Variants in CSMD1 observed in about 807,000 individuals in gnomAD.
The protein encoded by CSMD1 is CUB and sushi domain-containing protein 1.
In CSMD1, 213 loss-of-function variants were observed where a neutral mutation model predicts 417.5. The ratio of observed to expected loss-of-function variants is 0.51; its 90% CI spans 0.46 to 0.57. The LOEUF is 0.57. CSMD1 is among the 20% of genes least tolerant of loss of function. The pLI is 0.00. For synonymous variants in CSMD1, 2,862 were observed against 1,736.8 expected, an observed-to-expected ratio of 1.65 and a Z score of -16.11; for missense variants, 6,923 against 4,529.7, an observed-to-expected ratio of 1.53 and a Z score of -15.17.
At chr8:4,826,961 C>T (rs78760671) in intron 1 of CSMD1, among the ~76,000 whole-genome samples, 1,109 of 152,186 alleles carry the variant, frequency 7.3e-3, no homozygotes, top group Non-Finnish European at 0.012. Flanking sequence ...AGTTTGTGCT[C>T]ACTACACGTT....
At chr8:3,246,556 C>A (rs973365554) in intron 26 of CSMD1, among the ~76,000 whole-genome samples, 2 of 152,162 alleles carry the variant, frequency 1.3e-5, no homozygotes, top group Non-Finnish European at 2.9e-5. Flanking sequence ...ACTGCAACCG[C>A]CACCTCCCGT....
intron 12 of CSMD1, among the ~76,000 whole-genome samples, chr8:3,459,215 G>C (rs957245177): frequency 1.5e-4 from 23 of 152,208 alleles, no homozygotes; most frequent in Non-Finnish European, 2.6e-4. Flanking sequence ...CTGCACCGTG[G>C]TGGGGCACAC....
At chr8:3,070,990 G>C (rs796281835) in intron 49 of CSMD1, among the ~76,000 whole-genome samples, 3 of 152,204 alleles carry the variant, frequency 2.0e-5, no homozygotes, top group Non-Finnish European at 2.9e-5. Flanking sequence ...GGAGACCTGA[G>C]GGAGATTTTA....
chr8:4,422,875 T>C (rs1044597438), intron 2 of CSMD1, among the ~76,000 whole-genome samples: 1 of 152,016 alleles, frequency 6.6e-6, no homozygotes, highest in Non-Finnish European at 1.5e-5. Context: ...GGTCCAATCT[T>C]TGAAAATTAA....
At chr8:4,259,270 C>CT (rs1224866143) in intron 3 of CSMD1, among the ~76,000 whole-genome samples, 3 of 152,174 alleles carry the variant, frequency 2.0e-5, no homozygotes, top group African/African-American at 7.2e-5. Flanking sequence ...AGCAACCCCC[C>CT]TCCCTGGCTG....
intron 3 of CSMD1, among the ~76,000 whole-genome samples, chr8:4,340,007 G>T (rs1214671468): frequency 6.6e-6 from 1 of 152,094 alleles, no homozygotes; most frequent in African/African-American, 2.4e-5. Flanking sequence ...CTGGACAACA[G>T]AACCAGGCAC....
Position 2,953,453 on chromosome 8 carries a change from C to CAA in CSMD1, c.10039+769_10039+770dup, listed in dbSNP as rs35592012. ...TTGATTCTAAAATAGAGCTTATGTC[C>CAA]AAAAAAAAAAAAAAACAGTGTTAAA... On this transcript the variant is annotated intron_variant, in intron 65 of 69. Coordinates refer to ENST00000635120, the MANE Select transcript of CSMD1 (RefSeq NM_033225.6). Among the ~76,000 whole-genome samples, 669 of 111,648 alleles carry CAA rather than the reference C, an allele frequency of 6.0e-3. 3 individuals carry two copies. The highest frequency in any genetic ancestry group is 0.014 in the African/African-American group (350 of 25,366). 73.2% of individuals were successfully genotyped at this position (111,648 alleles called of 152,430 possible).
At chr8:4,294,236 A>G (rs1481019417) in intron 3 of CSMD1, among the ~76,000 whole-genome samples, 1 of 152,204 alleles carries the variant, frequency 6.6e-6, no homozygotes, top group Non-Finnish European at 1.5e-5. Context: ...ACATCTCTGA[A>G]TTGATAGCAT....
chr8:4,257,658 C>T (rs900948981), intron 3 of CSMD1, among the ~76,000 whole-genome samples: 2 of 152,188 alleles, frequency 1.3e-5, no homozygotes, highest in African/African-American at 2.4e-5. Flanking sequence ...TTGGTTACAG[C>T]ATAGGTCTCA....
intron 2 of CSMD1, among the ~76,000 whole-genome samples, chr8:4,452,626 G>A (rs1033491254): frequency 3.3e-5 from 5 of 152,126 alleles, no homozygotes; most frequent in East Asian, 3.9e-4. Context: ...TATGTGAAGT[G>A]CACAATGAAA....
chr8:3,752,337 G>C (rs1797383216), intron 6 of CSMD1, among the ~76,000 whole-genome samples: 1 of 152,098 alleles, frequency 6.6e-6, no homozygotes. Flanking sequence ...ATCTAAGATG[G>C]ACAATGTTCC....
At chr8:4,440,638 A>C (rs1798414300) in intron 2 of CSMD1, among the ~76,000 whole-genome samples, 1 of 152,238 alleles carries the variant, frequency 6.6e-6, no homozygotes, top group Non-Finnish European at 1.5e-5. Flanking sequence ...ATAGGGAAGA[A>C]AAATTGATTG....
At chr8:3,583,456 C>G (rs192739964) in intron 9 of CSMD1, among the ~76,000 whole-genome samples, 1 of 151,854 alleles carries the variant, frequency 6.6e-6, no homozygotes, top group African/African-American at 2.4e-5. Flanking sequence ...TTCCTGGAAA[C>G]CGAAAGAGGT....
At chr8:4,849,985 C>A (rs1331333282) in intron 1 of CSMD1, among the ~76,000 whole-genome samples, 1 of 152,254 alleles carries the variant, frequency 6.6e-6, no homozygotes, top group Non-Finnish European at 1.5e-5. Flanking sequence ...TTTTTCCATT[C>A]CCACCAGCAG....
intron 3 of CSMD1, among the ~76,000 whole-genome samples, chr8:4,330,169 A>T (rs1799786265): frequency 7.1e-6 from 1 of 141,366 alleles, no homozygotes; most frequent in Admixed American, 7.4e-5. Flanking sequence ...ATACAACAGG[A>T]ACAGAGGTTC....
At chr8:4,413,395 C>G (rs1796753936) in intron 3 of CSMD1, among the ~76,000 whole-genome samples, 1 of 152,130 alleles carries the variant, frequency 6.6e-6, no homozygotes, top group African/African-American at 2.4e-5. Context: ...AGCACATAAG[C>G]CTCGCTAGAT....
intron 2 of CSMD1, among the ~76,000 whole-genome samples, chr8:4,454,012 C>T (rs1442463944): frequency 2.0e-5 from 3 of 151,570 alleles, no homozygotes; most frequent in East Asian, 1.9e-4. Context: ...TTAGTAGAGA[C>T]GGGGTTTCAC....
At chr8:4,193,332 C>A (rs1234169048) in intron 3 of CSMD1, among the ~76,000 whole-genome samples, 1 of 151,328 alleles carries the variant, frequency 6.6e-6, no homozygotes, top group East Asian at 1.9e-4. Context: ...GAACGTCCTC[C>A]AATAAAAAAA....
At chr8:4,332,253 C>T (rs1799908027) in intron 3 of CSMD1, among the ~76,000 whole-genome samples, 1 of 152,084 alleles carries the variant, frequency 6.6e-6, no homozygotes, top group Admixed American at 6.6e-5. Context: ...GCCACCACAT[C>T]TTAATGCCAA....
Sources: gnomAD v4.1 joint callset for allele counts (sites outside exome capture counted in the v4.1 genomes callset) on GRCh38, gnomAD v4.1.1 for gene constraint, MANE v1.5 for transcripts, NCBI Gene and HGNC (gene_info 2026-07-23, HGNC 2026-07-21) for gene names.